Variants in RHOU observed in about 807,000 individuals in gnomAD.
RHOU encodes rho-related GTP-binding protein RhoU.
In RHOU, 8 loss-of-function variants were observed where a neutral mutation model predicts 12.6. The observed-to-expected ratio is 0.64, with a 90% CI of 0.37 to 1.15. RHOU has a LOEUF of 1.15. Ranked by LOEUF, RHOU falls within the 50% of genes most tolerant of loss-of-function variation. The pLI is 0.01. For missense variants in RHOU, 258 were observed against 347.0 expected (o/e 0.74, Z 2.04); for synonymous variants, 161 against 147.4 (o/e 1.09, Z -0.67).
the RHOU span, among the ~76,000 whole-genome samples, chr1:228,709,174 C>T: frequency 6.6e-6 from 1 of 152,156 alleles, no homozygotes; most frequent in African/African-American, 2.4e-5. Context: ...CCTGAGTGAC[C>T]TATAAGGAGA....
At chr1:228,692,009 G>T in the RHOU span, among the ~76,000 whole-genome samples, 1 of 152,178 alleles carries the variant, frequency 6.6e-6, no homozygotes, top group African/African-American at 2.4e-5. Context: ...CTCTTTGACT[G>T]CATGAGACCT....
At chr1:228,717,817 T>C in the RHOU span, among the ~76,000 whole-genome samples, 1 of 152,246 alleles carries the variant, frequency 6.6e-6, no homozygotes, top group Non-Finnish European at 1.5e-5. Context: ...AACTGTTCCA[T>C]GGACAGCTCC....
rs1662634863 is a variant in RHOU at position 228,737,579 on chromosome 1, T to G, written c.263-94T>G. On this transcript the variant is annotated intron_variant, in intron 1 of 2. Transcript: ENST00000366691. This position sits in a 1 kb window ranked among gnomAD's most constrained non-coding sequence, Gnocchi z 4.1. ...GGACCTAAAATAGGAGCAAAGGGGTTTGGAGTGAGAATGATAGTGAAAGCT... is the reference window on the plus strand; with the variant it reads ...GGACCTAAAATAGGAGCAAAGGGGTGTGGAGTGAGAATGATAGTGAAAGCT... The G allele has an allele frequency of 8.2e-7, 1 of 1,219,272 alleles. No individual in the cohort carries two copies. The allele number at this position is 1,219,272 out of a possible 1,614,324, so 75.5% of individuals were successfully genotyped here.
chr1:228,737,650 G>A lies in RHOU; in HGVS notation c.263-23G>A, dbSNP rs772822080. 95 of 1,613,252 alleles carry A rather than the reference G, an allele frequency of 5.9e-5. No individual in the cohort carries two copies. Among genetic ancestry groups the A allele is most frequent in the Non-Finnish European group, 7.7e-5 (91 of 1,179,308 alleles). ...AGGGGTTAAAAGACACCTCCTGATT[G>A]TCATTTTGGTTTTGTTTTTAAGCGG... On this transcript the variant is annotated intron_variant, in intron 1 of 2. Transcript: ENST00000366691. The surrounding 1 kb of genome is among the most constrained non-coding windows in gnomAD (Gnocchi z 4.1).
the RHOU span, among the ~76,000 whole-genome samples, chr1:228,691,460 A>G: frequency 1.6e-5 from 1 of 61,580 alleles, no homozygotes; most frequent in Non-Finnish European, 3.0e-5. Context: ...TGATCTTTTT[A>G]TTGTTTCCAT....
chr1:228,653,775 G>C, the RHOU span, among the ~76,000 whole-genome samples: 12 of 152,100 alleles, frequency 7.9e-5, no homozygotes, highest in Admixed American at 3.3e-4. Context: ...TTTTAAATCT[G>C]AAATTACAAT....
At chr1:228,686,787 C>A in the RHOU span, among the ~76,000 whole-genome samples, 1 of 152,012 alleles carries the variant, frequency 6.6e-6, no homozygotes, top group Non-Finnish European at 1.5e-5. Context: ...GTCTCTCAGG[C>A]TGGAGTGCAG....
Position 228,743,304 on chromosome 1 carries a change from G to A in RHOU, c.341G>A (p.Arg114Lys). The part of the protein sequence containing the change: ...TAGQDEFDKL[R>K]PLCYTNTDIF... Reference sequence around the variant, plus strand: ...TTGCAGGATGAATTTGACAAGCTGAGGCCTCTCTGCTACACCAACACAGAC... The same window carrying A: ...TTGCAGGATGAATTTGACAAGCTGAAGCCTCTCTGCTACACCAACACAGAC... The change falls in exon 3 of 3, where the codon AGG becomes AAG. Residue 114 changes from arginine to lysine, a missense_variant. By Grantham distance (26) the Arg-to-Lys change is conservative (BLOSUM62 2). Coordinates refer to ENST00000366691, the MANE Select transcript of RHOU (RefSeq NM_021205.6). The surrounding 1 kb of genome is among the most constrained non-coding windows in gnomAD (Gnocchi z 5.1). 6.2e-7 allele frequency: 1 copy of A among 1,613,530 alleles called. No homozygotes were observed. The highest frequency in any genetic ancestry group is 8.5e-7 in the Non-Finnish European group (1 of 1,179,452).
chr1:228,650,627 C>T, the RHOU span: 8 of 449,456 alleles, frequency 1.8e-5, no homozygotes, highest in Non-Finnish European at 2.6e-5. Flanking sequence ...GGATATGAGA[C>T]CTTCTTCCAG....
chr1:228,701,973 T>C, the RHOU span, among the ~76,000 whole-genome samples: 1 of 152,066 alleles, frequency 6.6e-6, no homozygotes, highest in African/African-American at 2.4e-5. Flanking sequence ...TATATCAGTA[T>C]TTATAGATGA....
the RHOU span, among the ~76,000 whole-genome samples, chr1:228,709,288 T>C: frequency 6.8e-6 from 1 of 147,198 alleles, no homozygotes; most frequent in African/African-American, 2.5e-5. Context: ...GGAATTGAAC[T>C]CAGCTCTGCA....
At chr1:228,712,298 T>G in the RHOU span, among the ~76,000 whole-genome samples, 1 of 148,826 alleles carries the variant, frequency 6.7e-6, no homozygotes, top group African/African-American at 2.5e-5. Flanking sequence ...GACCCAGCCA[T>G]CCCATTACTG....
chr1:228,703,126 A>G, the RHOU span, among the ~76,000 whole-genome samples: 1 of 152,226 alleles, frequency 6.6e-6, no homozygotes, highest in Non-Finnish European at 1.5e-5. Flanking sequence ...AGGCAAGACA[A>G]TGTATGTACA....
At chr1:228,702,240 G>C in the RHOU span, among the ~76,000 whole-genome samples, 1 of 152,072 alleles carries the variant, frequency 6.6e-6, no homozygotes, top group African/African-American at 2.4e-5. Flanking sequence ...TTAATACTAT[G>C]ATACAAGTAC....
At position 228,743,962 on chromosome 1, in the gene RHOU, A is replaced by G. The variant is rs1470361695; in HGVS notation, c.*222A>G. 12 of 487,052 alleles carry G rather than the reference A, an allele frequency of 2.5e-5. No homozygotes were observed. The highest frequency in any genetic ancestry group is 3.6e-6 in the Non-Finnish European group (1 of 278,392). 30.2% of individuals were successfully genotyped at this position (487,052 alleles called of 1,614,324 possible). A position where few individuals can be genotyped will look rare whatever the true frequency, so the allele number is the denominator to read the frequency against. On this transcript the variant is annotated 3_prime_UTR_variant, in exon 3 of 3. Coordinates refer to ENST00000366691, the MANE Select transcript of RHOU (RefSeq NM_021205.6). The surrounding 1 kb of genome is among the most constrained non-coding windows in gnomAD (Gnocchi z 5.1). ...ATGCAAGATATTTTTGAAGTAAATT[A>G]AACATTTTTCACATCTCTGGAAATT...
the RHOU span, among the ~76,000 whole-genome samples, chr1:228,713,482 C>T: frequency 2.6e-5 from 4 of 152,026 alleles, no homozygotes; most frequent in East Asian, 5.8e-4. Flanking sequence ...CACCAACACA[C>T]TCGGCTAATT....
the RHOU span, among the ~76,000 whole-genome samples, chr1:228,700,227 A>G: frequency 6.6e-6 from 1 of 152,260 alleles, no homozygotes; most frequent in Non-Finnish European, 1.5e-5. Context: ...ATAAGTTATC[A>G]TAAGTAATTT....
At chr1:228,719,566 C>T in the RHOU span, among the ~76,000 whole-genome samples, 1 of 152,172 alleles carries the variant, frequency 6.6e-6, no homozygotes, top group African/African-American at 2.4e-5. Context: ...CCCACCTCTA[C>T]TAAAAATATA....
chr1:228,650,405 C>A, the RHOU span: 45 of 457,330 alleles, frequency 9.8e-5, no homozygotes, highest in East Asian at 4.9e-4. Context: ...TGCGCCAGCC[C>A]GGGGCGGCTG....
Sources: gnomAD v4.1 joint callset for allele counts (sites outside exome capture counted in the v4.1 genomes callset) on GRCh38, gnomAD v4.1.1 for gene constraint, Gnocchi (gnomAD v3.1) non-coding constraint, MANE v1.5 for transcripts, NCBI Gene and HGNC (gene_info 2026-07-23, HGNC 2026-07-21) for gene names.